The following FRY variants were observed in gnomAD, a reference collection of about 807,000 sequenced individuals.
The protein encoded by FRY is protein furry homolog.
A neutral mutation model predicts 348.4 loss-of-function variants in FRY; 128 were observed. The ratio of observed to expected loss-of-function variants is 0.37; its 90% CI spans 0.32 to 0.43. FRY has a LOEUF of 0.43. FRY is among the 20% of genes least tolerant of loss of function. The probability of loss-of-function intolerance (pLI) is 1.00; values close to 1 mark genes in which losing one functional copy is unlikely to be tolerated. For synonymous variants in FRY, 1,370 were observed against 1,374.7 expected, an observed-to-expected ratio of 1.00 and a Z score of 0.08; for missense variants, 2,736 against 3,695.2, an observed-to-expected ratio of 0.74 and a Z score of 6.73.
intron 31 of FRY, among the ~76,000 whole-genome samples, chr13:32,204,908 T>C (rs1202195661): frequency 1.3e-5 from 2 of 152,144 alleles, no homozygotes; most frequent in African/African-American, 2.4e-5. Flanking sequence ...GCAGAAAAGA[T>C]AGATATGCAA....
At chr13:32,149,640 C>G in intron 13 of FRY, 108 bp from the exon 14 acceptor site, 1 of 721,980 alleles carries the variant, frequency 1.4e-6, no homozygotes, top group Non-Finnish European at 2.5e-6. Context: ...CAGTGCCCCT[C>G]CTCTTTTAGC....
rs796117100 is a variant in FRY, at chr13:32,180,660, G to T, written c.2996+861G>T. The stretch of plus-strand genomic sequence containing the variant: ...CATCTGAAGTACTGTCAAAGCCTTT[G>T]AAAGAAACATTGTAAAATGTTAGTT... On this transcript the variant is annotated intron_variant, in intron 23 of 60. Transcript: ENST00000542859. Among the ~76,000 whole-genome samples, 12 of 152,158 alleles carry T rather than the reference G, an allele frequency of 7.9e-5. No homozygotes were observed. In the East Asian group the frequency reaches 1.9e-3, roughly 24 times the overall value.
chr13:32,275,107 G>A (rs779723251), intron 56 of FRY, 116 bp downstream of exon 56: 74 of 919,540 alleles, frequency 8.0e-5, no homozygotes, highest in South Asian at 1.5e-4. Context: ...GGCCGGGTGC[G>A]GTGGCTCAAG....
rs2138544136 is a variant in FRY, at chr13:32,261,726, T to C, written c.7527T>C (p.Pro2509=). The change falls in exon 52 of 61, where the codon CCT becomes CCC. Residue 2509 remains proline (P), a synonymous_variant. Coordinates refer to ENST00000542859, the MANE Select transcript of FRY (RefSeq NM_023037.3). Reference sequence around the variant, plus strand: ...AGCGCCAACTGTCAGGAAGCACTCCTAGCCTGAATAAAATGCACCATGAGG... The same window carrying C: ...AGCGCCAACTGTCAGGAAGCACTCCCAGCCTGAATAAAATGCACCATGAGG... ...LEERQLSGST[P]SLNKMHHEDS... 6.2e-7 allele frequency: 1 copy of C among 1,614,138 alleles called. No homozygotes were observed. The highest frequency in any genetic ancestry group is 8.5e-7 in the Non-Finnish European group (1 of 1,179,986).
chr13:32,131,880 G>C, intron 8 of FRY, 40 bp downstream of exon 8: 2 of 1,480,720 alleles, frequency 1.4e-6, no homozygotes, highest in Non-Finnish European at 1.9e-6. Flanking sequence ...CTCTCAACTT[G>C]AGCACTTCCC....
At chr13:32,040,357 C>T (rs375501069) in intron 1 of FRY, among the ~76,000 whole-genome samples, 44 of 152,228 alleles carry the variant, frequency 2.9e-4, no homozygotes, top group African/African-American at 9.9e-4. Context: ...TTTTCTTATA[C>T]GAAAGGAACA....
rs531969423 is a variant in FRY at position 32,213,552 on chromosome 13, A to G, written c.4682+1170A>G. Among the ~76,000 whole-genome samples, 8 of 152,374 alleles carry G rather than the reference A, an allele frequency of 5.3e-5. No homozygotes were observed. The South Asian group carries it at 1.7e-3, about 32-fold the overall frequency. ...TATTCCACATATTAGTGAAGGTACAAGATTATTAATTAGCATGTTACTTTT... is the reference window on the plus strand; with the variant it reads ...TATTCCACATATTAGTGAAGGTACAGGATTATTAATTAGCATGTTACTTTT... On this transcript the variant is annotated intron_variant, in intron 35 of 60. Transcript: ENST00000542859.
In FRY at chr13:32,090,893, G is replaced by T. The variant is rs145454485; in HGVS notation, c.271-11070G>T. ...CTCCACTGAAATGAGCAAAACCACT[G>T]CAAATAGGACAGATTATCTCAAGAG... On this transcript the variant is annotated intron_variant, in intron 2 of 60. Transcript: ENST00000542859. Among the ~76,000 whole-genome samples, 484 of 151,956 alleles carry T rather than the reference G, an allele frequency of 3.2e-3. 1 individual carries two copies. The highest frequency in any genetic ancestry group is 6.8e-3 in the Admixed American group (104 of 15,258).
At chr13:32,075,636 G>A (rs1347466322) in intron 1 of FRY, among the ~76,000 whole-genome samples, 3 of 152,130 alleles carry the variant, frequency 2.0e-5, no homozygotes, top group Non-Finnish European at 4.4e-5. Context: ...TGAGTTTCCT[G>A]GTCTGCACTA....
At chr13:32,186,551 C>A in intron 27 of FRY, 131 bp downstream of exon 27, 2 of 698,582 alleles carry the variant, frequency 2.9e-6, no homozygotes, top group Admixed American at 2.2e-5. Flanking sequence ...AGCGCACATA[C>A]AAAAAAATCA....
At chr13:32,132,010 A>G (rs138785817) in intron 8 of FRY, among the ~76,000 whole-genome samples, 170 bp downstream of exon 8, 2 of 152,334 alleles carry the variant, frequency 1.3e-5, no homozygotes, top group African/African-American at 2.4e-5. Flanking sequence ...TTGCGGGCAC[A>G]TAATTTCATT....
Position 32,238,576 on chromosome 13 carries a change from G to A in FRY, c.6418+590G>A, listed in dbSNP as rs570737076. On this transcript the variant is annotated intron_variant, in intron 44 of 60. Coordinates refer to ENST00000542859, the MANE Select transcript of FRY (RefSeq NM_023037.3). ...AAGCAATTCTCCTGCCTCAGCCTCCGGAGTAGCTGGGATTACAGGTGTACG... is the reference window on the plus strand; with the variant it reads ...AAGCAATTCTCCTGCCTCAGCCTCCAGAGTAGCTGGGATTACAGGTGTACG... 1.8e-3 allele frequency among the ~76,000 whole-genome samples: 271 copies of A among 152,004 alleles called. 1 individual carries two copies. Among genetic ancestry groups the A allele is most frequent in the Middle Eastern group, 3.4e-3 (1 of 294 alleles).
intron 29 of FRY, among the ~76,000 whole-genome samples, chr13:32,199,240 T>A (rs1201482093): frequency 6.6e-6 from 1 of 152,160 alleles, no homozygotes; most frequent in East Asian, 1.9e-4. Flanking sequence ...CAGAGAAGGC[T>A]TCAGATCAAG....
At chr13:32,086,444 A>T (rs1875867575) in intron 2 of FRY, among the ~76,000 whole-genome samples, 1 of 152,164 alleles carries the variant, frequency 6.6e-6, no homozygotes, top group African/African-American at 2.4e-5. Context: ...TTCACTCTCA[A>T]ACCCCTGGGT....
chr13:32,270,650 C>G (rs1047164212), intron 55 of FRY, among the ~76,000 whole-genome samples: 1 of 152,182 alleles, frequency 6.6e-6, no homozygotes, highest in South Asian at 2.1e-4. Context: ...CGGTCATCTC[C>G]CCTTGTCCCT....
At chr13:32,224,126 G>C in intron 36 of FRY, 109 bp from the exon 37 acceptor site, 4 of 1,076,466 alleles carry the variant, frequency 3.7e-6, no homozygotes, top group Non-Finnish European at 5.7e-6. Context: ...GAAAAATAAA[G>C]TTATTTTTAC....
intron 20 of FRY, among the ~76,000 whole-genome samples, 184 bp from the exon 21 acceptor site, chr13:32,177,993 G>A (rs771225103): frequency 6.6e-6 from 1 of 152,150 alleles, no homozygotes; most frequent in Non-Finnish European, 1.5e-5. Flanking sequence ...ATCTAGCATA[G>A]GAAGACTGAT....
rs770263930 is a variant in FRY, at chr13:32,171,069, T to A, written c.1950T>A (p.Gly650=). ...LRHIAQNSLQ[G]LLVDFSDWRE... ...ATATTGCACAAAATTCTCTTCAGGGTTTACTTGTTGACTTCTCAGATTGGA... is the reference window on the plus strand; with the variant it reads ...ATATTGCACAAAATTCTCTTCAGGGATTACTTGTTGACTTCTCAGATTGGA... The change falls in exon 18 of 61, where the codon GGT becomes GGA. Residue 650 remains glycine (G), a synonymous_variant. Transcript: ENST00000542859. The A allele has an allele frequency of 3.7e-5, 60 of 1,611,546 alleles. No individual in the cohort carries two copies. The highest frequency in any genetic ancestry group is 4.3e-5 in the Non-Finnish European group (51 of 1,177,842).
intron 22 of FRY, 99 bp downstream of exon 22, chr13:32,179,132 A>T: frequency 1.2e-6 from 1 of 845,246 alleles, no homozygotes; most frequent in Non-Finnish European, 2.0e-6. Flanking sequence ...TGCCATCTGG[A>T]GTATTATGGG....
Sources: allele counts gnomAD v4.1 joint callset (sites outside exome capture counted in the v4.1 genomes callset), GRCh38; gene constraint gnomAD v4.1.1; transcripts MANE v1.5; gene names NCBI Gene and HGNC (gene_info 2026-07-23, HGNC 2026-07-21).